Variants in RPL3L observed in about 807,000 individuals in gnomAD.
The protein encoded by RPL3L is ribosomal protein L3 like, also known as ribosomal protein uL3-like.
In RPL3L, 44 loss-of-function variants were observed where a neutral mutation model predicts 44.5. That is an observed-to-expected ratio of 0.99 (90% CI 0.78 to 1.27). The LOEUF is 1.27. RPL3L is among the 50% of genes most tolerant of loss of function. The probability of loss-of-function intolerance (pLI) is 0.00; values close to 1 mark genes in which losing one functional copy is unlikely to be tolerated. For missense variants in RPL3L, 631 were observed against 569.1 expected, an observed-to-expected ratio of 1.11 and a Z score of -1.11; for synonymous variants, 292 against 230.7, an observed-to-expected ratio of 1.27 and a Z score of -2.41.
intron 4 of RPL3L, among the ~76,000 whole-genome samples, chr16:1,949,101 G>C (rs2083148243): frequency 6.7e-6 from 1 of 149,130 alleles, no homozygotes; most frequent in Non-Finnish European, 1.5e-5. Flanking sequence ...TCTCCAAGTA[G>C]CTGGAACTAC....
chr16:1,946,957 C>A lies in RPL3L; in HGVS notation c.830G>T (p.Arg277Leu), dbSNP rs376186576. 1.0e-5 allele frequency: 16 copies of A among 1,606,916 alleles called. No homozygotes were observed. The South Asian group carries it at 1.7e-4, about 17-fold the overall frequency. ...ARAGQKGYHH[R>L]TELNKKIFRI... ...ACGCACCTTCTTGTTGAGCTCCGTG[C>A]GGTGGTGATAGCCCTTCTGCCCGGC... is the stretch of plus-strand genomic sequence containing the variant. Residue 277 changes from arginine to leucine, a missense_variant, in exon 6 of 10, where the codon CGC (arginine) becomes CTC (leucine). Physicochemically the swap from Arg to Leu is moderately radical, Grantham distance 102 (BLOSUM62 -2). Transcript: ENST00000268661.
At chr16:1,947,458 A>G in intron 4 of RPL3L, 78 bp from the exon 5 acceptor site, 1 of 1,421,692 alleles carries the variant, frequency 7.0e-7, no homozygotes, top group South Asian at 1.4e-5. Context: ...GCCAGCAGTG[A>G]CCCCTGCCGC....
At chr16:1,953,874 G>C (rs1435992517) in intron 2 of RPL3L, 82 bp downstream of exon 2, 4 of 1,347,872 alleles carry the variant, frequency 3.0e-6, no homozygotes, top group African/African-American at 1.5e-5. Flanking sequence ...GGCCCTGTCT[G>C]GACCAAAAGC....
intron 4 of RPL3L, among the ~76,000 whole-genome samples, chr16:1,948,841 G>A (rs937951616): frequency 2.5e-4 from 38 of 152,020 alleles, no homozygotes; most frequent in Admixed American, 1.1e-3. Context: ...TCAGCCTCCC[G>A]AGTAGCTGGG....
Position 1,944,180 on chromosome 16 carries a change from AT to A in RPL3L, c.*656del, listed in dbSNP as rs1330416709. ...GACCACCTCCTTGCCTGGGGACTAGATTGCATTTTTAGGACTAACATTAGCC... is the reference window on the plus strand; with the variant it reads ...GACCACCTCCTTGCCTGGGGACTAGATGCATTTTTAGGACTAACATTAGCC... On this transcript the variant is annotated 3_prime_UTR_variant, in exon 10 of 10. Coordinates refer to ENST00000268661, the MANE Select transcript of RPL3L (RefSeq NM_005061.3). The A allele has an allele frequency of 6.6e-6, 1 of 152,252 alleles. No homozygotes were observed. The highest frequency in any genetic ancestry group is 1.9e-4 in the East Asian group (1 of 5,200). The allele number at this position is 152,252 out of a possible 1,614,324, so 9.4% of individuals were successfully genotyped here. A position where few individuals can be genotyped will look rare whatever the true frequency, so the allele number is the denominator to read the frequency against.
At chr16:1,952,281 C>G (rs2083176349) in intron 3 of RPL3L, among the ~76,000 whole-genome samples, 1 of 151,156 alleles carries the variant, frequency 6.6e-6, no homozygotes, top group Admixed American at 6.6e-5. Flanking sequence ...CCAAATTAGC[C>G]TTTTAATTAA....
At chr16:1,951,726 CATTATTATTATT>C (rs71394716) in intron 3 of RPL3L, among the ~76,000 whole-genome samples, 179 of 138,036 alleles carry the variant, frequency 1.3e-3, no homozygotes, top group South Asian at 5.6e-3. Flanking sequence ...GGGAGGTGGA[CATTATTATTATT>C]ATTATTATTA....
At chr16:1,949,452 C>T (rs1183396860) in intron 4 of RPL3L, among the ~76,000 whole-genome samples, 1 of 150,840 alleles carries the variant, frequency 6.6e-6, no homozygotes, top group Admixed American at 6.6e-5. Flanking sequence ...GGGGTTTTGC[C>T]ATGTTGGCCA....
chr16:1,947,194 C>CT lies in RPL3L; in HGVS notation c.687dup (p.Gly230ArgfsTer17), dbSNP rs1202516719. The CT allele has an allele frequency of 6.2e-7, 1 of 1,612,990 alleles. No individual in the cohort carries two copies. The highest frequency in any genetic ancestry group is 1.1e-5 in the South Asian group (1 of 91,052). ...AGCTGCCATCCTCACTGAGCCCTACCTTTGACGCCTCGACCCTTGGTGACA... is the reference window on the plus strand; with the variant it reads ...AGCTGCCATCCTCACTGAGCCCTACCTTTTGACGCCTCGACCCTTGGTGACA... On this transcript the variant is annotated frameshift_variant and splice_region_variant, in exon 5 of 10. Transcript: ENST00000268661. LOFTEE classifies it high-confidence loss of function.
chr16:1,953,786 A>C (rs1274903805), intron 2 of RPL3L, among the ~76,000 whole-genome samples, 170 bp downstream of exon 2: 1 of 152,166 alleles, frequency 6.6e-6, no homozygotes, highest in Admixed American at 6.5e-5. Context: ...GCCATGACAG[A>C]ACCCGCCCGG....
intron 3 of RPL3L, 84 bp downstream of exon 3, chr16:1,952,790 A>G: frequency 6.6e-7 from 1 of 1,517,336 alleles, no homozygotes; most frequent in Non-Finnish European, 9.0e-7. Context: ...CACACCTATC[A>G]TTTCAGCAAG....
intron 2 of RPL3L, 70 bp downstream of exon 2, chr16:1,953,886 T>C: frequency 2.9e-6 from 4 of 1,381,370 alleles, no homozygotes; most frequent in Non-Finnish European, 3.8e-6. Flanking sequence ...ACCAAAAGCG[T>C]GAGTTCTGGC....
intron 4 of RPL3L, among the ~76,000 whole-genome samples, chr16:1,948,756 C>T (rs2083144954): frequency 6.6e-6 from 1 of 151,558 alleles, no homozygotes; most frequent in Admixed American, 6.6e-5. Context: ...TGCTCTGTCG[C>T]CCAGGCTGGA....
In RPL3L at chr16:1,947,286, G is replaced by A. The variant is rs372425283; in HGVS notation, c.596C>T (p.Ala199Val). ...TVAEKVAWAQ[A>V]RLEKQVPVHS... ...CACGGGCACCTGCTTCTCCAGCCGGGCCTGGGCCCAGGCCACCTTCTCGGC... is the reference window on the plus strand; with the variant it reads ...CACGGGCACCTGCTTCTCCAGCCGGACCTGGGCCCAGGCCACCTTCTCGGC... The change falls in exon 5 of 10, where the codon GCC becomes GTC. Residue 199 changes from alanine to valine, a missense_variant. Ala to Val is a moderately conservative substitution (Grantham distance 64). Coordinates refer to ENST00000268661, the MANE Select transcript of RPL3L (RefSeq NM_005061.3). 1.2e-6 allele frequency: 2 copies of A among 1,613,110 alleles called. No individual in the cohort carries two copies. Among genetic ancestry groups the A allele is most frequent in the Non-Finnish European group, 8.5e-7 (1 of 1,179,856 alleles).
At chr16:1,947,486 A>G in intron 4 of RPL3L, 106 bp from the exon 5 acceptor site, 1 of 1,302,300 alleles carries the variant, frequency 7.7e-7, no homozygotes, top group African/African-American at 1.5e-5. Context: ...GCATGCATTC[A>G]TTCACAGGTG....
intron 9 of RPL3L, 53 bp from the exon 10 acceptor site, chr16:1,944,946 G>T (rs145199665): frequency 1.9e-6 from 3 of 1,609,460 alleles, no homozygotes; most frequent in Non-Finnish European, 2.5e-6. Context: ...CCAGAAACAC[G>T]CCCTCCCCCA....
At chr16:1,949,473 G>T (rs956099621) in intron 4 of RPL3L, among the ~76,000 whole-genome samples, 2 of 150,408 alleles carry the variant, frequency 1.3e-5, no homozygotes, top group African/African-American at 4.9e-5. Flanking sequence ...GGCTGGTCTC[G>T]AACTCCTGAC....
intron 3 of RPL3L, among the ~76,000 whole-genome samples, chr16:1,951,245 C>T (rs919437801): frequency 6.6e-6 from 1 of 152,220 alleles, no homozygotes; most frequent in Admixed American, 6.5e-5. Flanking sequence ...TGCAGAAGCT[C>T]AGAGAAGGCG....
chr16:1,945,961 C>G (rs751114536), intron 7 of RPL3L, 31 bp from the exon 8 acceptor site: 5 of 1,573,208 alleles, frequency 3.2e-6, no homozygotes, highest in Middle Eastern at 1.7e-4. Flanking sequence ...AGGCCAGGCC[C>G]GGAAAGGGCT....
Sources: gnomAD v4.1 joint callset for allele counts (sites outside exome capture counted in the v4.1 genomes callset) on GRCh38, gnomAD v4.1.1 for gene constraint, MANE v1.5 for transcripts, NCBI Gene and HGNC (gene_info 2026-07-23, HGNC 2026-07-21) for gene names.